RPSA2: variants seen among roughly 807,000 people sequenced by gnomAD.
RPSA2 encodes ribosomal protein SA 2.
chr19:23,847,402 A>C, the RPSA2 span, among the ~76,000 whole-genome samples: 24 of 152,198 alleles, frequency 1.6e-4, no homozygotes, highest in Non-Finnish European at 5.9e-5. Flanking sequence ...AATAAAGAGA[A>C]AGAGTACAAA....
the RPSA2 span, among the ~76,000 whole-genome samples, chr19:23,764,825 C>T: frequency 6.6e-6 from 1 of 151,980 alleles, no homozygotes; most frequent in Non-Finnish European, 1.5e-5. Context: ...GTCTGCGCCT[C>T]TCCTTCTTTT....
chr19:23,825,481 G>A, the RPSA2 span, among the ~76,000 whole-genome samples: 3 of 152,124 alleles, frequency 2.0e-5, no homozygotes, highest in Admixed American at 2.0e-4. Context: ...TTGTTTTCCT[G>A]TATACAAAAA....
chr19:23,807,824 AGG>A, the RPSA2 span: 1 of 408,670 alleles, frequency 2.4e-6, no homozygotes, highest in South Asian at 2.2e-5. Context: ...TGTCTTTTCC[AGG>A]GACTCTTGAC....
the RPSA2 span, among the ~76,000 whole-genome samples, chr19:23,856,388 T>C: frequency 7.2e-5 from 11 of 152,084 alleles, 1 homozygote; most frequent in Admixed American, 5.9e-4. Flanking sequence ...ATATTTTCCA[T>C]GGTCACTCAA....
At chr19:23,854,038 G>A in the RPSA2 span, among the ~76,000 whole-genome samples, 2 of 152,122 alleles carry the variant, frequency 1.3e-5, no homozygotes, top group African/African-American at 4.8e-5. Context: ...CTTTTTCACT[G>A]CTGGAGCCCA....
At chr19:23,761,923 T>TCTTTCTCTCTCTCTCTCTCTCTC in the RPSA2 span, among the ~76,000 whole-genome samples, 2 of 63,514 alleles carry the variant, frequency 3.1e-5, no homozygotes, top group Non-Finnish European at 5.6e-5. Flanking sequence ...TTTCTTTCTT[T>TCTTTCTCTCTCTCTCTCTCTCTC]TTTTTTTTTT....
the RPSA2 span, among the ~76,000 whole-genome samples, chr19:23,846,554 A>G: frequency 1.3e-5 from 2 of 152,072 alleles, no homozygotes; most frequent in Non-Finnish European, 2.9e-5. Context: ...GGCCCAGTCT[A>G]TTGGTAGTTA....
the RPSA2 span, among the ~76,000 whole-genome samples, chr19:23,849,347 T>G: frequency 0.98 from 148,825 of 152,160 alleles, 72,873 homozygotes; most frequent in Middle Eastern, 1. Context: ...GGGGCATACC[T>G]GGATTGAGAA....
At chr19:23,779,994 G>A in the RPSA2 span, among the ~76,000 whole-genome samples, 1 of 152,136 alleles carries the variant, frequency 6.6e-6, no homozygotes, top group Non-Finnish European at 1.5e-5. Flanking sequence ...GCTCTCCTGC[G>A]TGATTTCTGC....
the RPSA2 span, among the ~76,000 whole-genome samples, chr19:23,844,938 G>A: frequency 6.7e-6 from 1 of 149,146 alleles, no homozygotes; most frequent in Non-Finnish European, 1.5e-5. Context: ...ACTCAATCAT[G>A]CTACTCATTA....
At chr19:23,794,250 GT>G in the RPSA2 span, among the ~76,000 whole-genome samples, 32 of 152,162 alleles carry the variant, frequency 2.1e-4, no homozygotes, top group Admixed American at 2.1e-3. Flanking sequence ...TGGTAATTCT[GT>G]TTTTAGTTCT....
At chr19:23,775,262 G>A in the RPSA2 span, among the ~76,000 whole-genome samples, 5 of 152,180 alleles carry the variant, frequency 3.3e-5, no homozygotes, top group African/African-American at 1.2e-4. Context: ...TCTTACAGGT[G>A]GATGCAGTGC....
At chr19:23,791,396 T>C in the RPSA2 span, among the ~76,000 whole-genome samples, 576 of 152,350 alleles carry the variant, frequency 3.8e-3, 4 homozygotes, top group African/African-American at 0.013. Flanking sequence ...GAAGCTTGTT[T>C]CCGGCAATGT....
At chr19:23,762,904 A>G in the RPSA2 span, 1 of 152,154 alleles carries the variant, frequency 6.6e-6, no homozygotes, top group Non-Finnish European at 1.5e-5. Context: ...GCTTTATCCA[A>G]TCAGTGGCGC....
At chr19:23,810,255 G>A in the RPSA2 span, among the ~76,000 whole-genome samples, 22 of 151,956 alleles carry the variant, frequency 1.4e-4, no homozygotes, top group Admixed American at 1.2e-3. Flanking sequence ...TTAGCCGGGC[G>A]TGGTGGCAGG....
chr19:23,853,826 GTTC>G, the RPSA2 span, among the ~76,000 whole-genome samples: 1 of 152,180 alleles, frequency 6.6e-6, no homozygotes, highest in African/African-American at 2.4e-5. Context: ...CAAGATAAAT[GTTC>G]TCTGGGGAAT....
the RPSA2 span, chr19:23,831,949 T>G: frequency 3.0e-6 from 1 of 329,228 alleles, no homozygotes; most frequent in East Asian, 7.5e-5. Context: ...TAAAAGCATT[T>G]ATACTAGAGA....
chr19:23,861,734 G>T, the RPSA2 span, among the ~76,000 whole-genome samples: 1 of 152,088 alleles, frequency 6.6e-6, no homozygotes, highest in East Asian at 1.9e-4. Context: ...AGAAGGGAAG[G>T]TCTAACTTTT....
chr19:23,865,602 A>G, the RPSA2 span, among the ~76,000 whole-genome samples: 9 of 152,318 alleles, frequency 5.9e-5, no homozygotes, highest in African/African-American at 2.2e-4. Context: ...AATAATGAGC[A>G]GGAGAAAGGG....
Sources: gnomAD v4.1 joint callset for allele counts (sites outside exome capture counted in the v4.1 genomes callset) on GRCh38, gnomAD v4.1.1 for gene constraint, MANE v1.5 for transcripts, NCBI Gene and HGNC (gene_info 2026-07-23, HGNC 2026-07-21) for gene names.